SHISA9: variants seen among roughly 807,000 people sequenced by gnomAD.
SHISA9 encodes shisa family member 9.
A neutral mutation model predicts 38.0 loss-of-function variants in SHISA9; 13 were observed. That is an observed-to-expected ratio of 0.34 (90% CI 0.22 to 0.54). The LOEUF (loss-of-function observed/expected upper bound fraction) is 0.54, where lower values mean the gene tolerates loss of function less well. Ranked by LOEUF, SHISA9 falls within the 20% of genes least tolerant of loss-of-function variation. SHISA9 has a pLI of 0.91. For missense variants in SHISA9, 538 were observed against 575.8 expected, an observed-to-expected ratio of 0.93 and a Z score of 0.67; for synonymous variants, 275 against 242.0, an observed-to-expected ratio of 1.14 and a Z score of -1.27.
chr16:13,207,596 A>T (rs1345038472), intron 3 of SHISA9, among the ~76,000 whole-genome samples: 9 of 151,808 alleles, frequency 5.9e-5, no homozygotes, highest in Admixed American at 5.3e-4. Flanking sequence ...CCTGTTCTTC[A>T]TCCTTTTTTT....
the SHISA9 span, among the ~76,000 whole-genome samples, chr16:13,383,516 G>A: frequency 1.1e-4 from 16 of 152,144 alleles, no homozygotes; most frequent in Non-Finnish European, 1.8e-4. Flanking sequence ...GAACATCTCC[G>A]AAAAGATGAA....
At chr16:13,421,164 G>A in the SHISA9 span, among the ~76,000 whole-genome samples, 1 of 152,076 alleles carries the variant, frequency 6.6e-6, no homozygotes, top group East Asian at 1.9e-4. Flanking sequence ...AGGATCTGCT[G>A]CATTCAGATG....
intron 2 of SHISA9, among the ~76,000 whole-genome samples, chr16:13,117,004 T>C (rs1343925177): frequency 1.3e-5 from 2 of 152,194 alleles, no homozygotes; most frequent in Admixed American, 6.5e-5. Context: ...AGAGTCTCAC[T>C]CTGTTGCCCA....
At chr16:13,173,618 A>G (rs2050707682) in intron 2 of SHISA9, among the ~76,000 whole-genome samples, 2 of 152,180 alleles carry the variant, frequency 1.3e-5, no homozygotes, top group Admixed American at 1.3e-4. Context: ...GGTTGTCACA[A>G]CTTGCAGGAG....
At chr16:13,015,993 T>TCCCCTCCCCTCC (rs2072752952) in intron 2 of SHISA9, among the ~76,000 whole-genome samples, 1 of 92,750 alleles carries the variant, frequency 1.1e-5, no homozygotes, top group African/African-American at 4.1e-5. Context: ...TCCCTTCTTT[T>TCCCCTCCCCTCC]CTTTTCTTCC....
At chr16:13,502,876 GA>G in the SHISA9 span, among the ~76,000 whole-genome samples, 1 of 151,402 alleles carries the variant, frequency 6.6e-6, no homozygotes, top group African/African-American at 2.4e-5. Flanking sequence ...GACCTGTCTC[GA>G]AAAAAATAAG....
chr16:13,087,613 A>G (rs1212820645), intron 2 of SHISA9, among the ~76,000 whole-genome samples: 1 of 152,214 alleles, frequency 6.6e-6, no homozygotes, highest in Non-Finnish European at 1.5e-5. Context: ...TGTTGGCTGC[A>G]TAGACGTCTT....
At chr16:13,367,710 GCGCACA>G in the SHISA9 span, among the ~76,000 whole-genome samples, 119 of 90,574 alleles carry the variant, frequency 1.3e-3, no homozygotes, top group South Asian at 3.6e-3. Flanking sequence ...GCGCGCGCGC[GCGCACA>G]CACACACACA....
the SHISA9 span, among the ~76,000 whole-genome samples, chr16:13,547,051 G>A: frequency 6.6e-6 from 1 of 152,060 alleles, no homozygotes; most frequent in African/African-American, 2.4e-5. Flanking sequence ...ATCTTACCTT[G>A]AATACTTCGG....
chr16:13,011,978 G>A (rs1189473343), intron 2 of SHISA9, among the ~76,000 whole-genome samples: 10 of 151,916 alleles, frequency 6.6e-5, no homozygotes, highest in Admixed American at 3.9e-4. Flanking sequence ...GGCATGAGCC[G>A]CCACACCCAG....
At chr16:13,315,066 G>T in the SHISA9 span, among the ~76,000 whole-genome samples, 1 of 128,264 alleles carries the variant, frequency 7.8e-6, no homozygotes, top group East Asian at 2.3e-4. Context: ...TGATCTGTGT[G>T]TGCACCCTTG....
chr16:13,217,303 T>A (rs890373385), intron 4 of SHISA9, among the ~76,000 whole-genome samples: 15 of 151,784 alleles, frequency 9.9e-5, no homozygotes, highest in African/African-American at 3.6e-4. Flanking sequence ...ATAAATTAAT[T>A]AATTAAAATA....
the SHISA9 span, among the ~76,000 whole-genome samples, chr16:13,461,589 A>G: frequency 6.6e-6 from 1 of 150,808 alleles, no homozygotes; most frequent in Non-Finnish European, 1.5e-5. Flanking sequence ...CAAAAAAAAA[A>G]AAGATTTATA....
At chr16:12,946,692 C>T (rs1406323295) in intron 2 of SHISA9, among the ~76,000 whole-genome samples, 2 of 152,208 alleles carry the variant, frequency 1.3e-5, no homozygotes, top group East Asian at 1.9e-4. Context: ...AGGTTGGGGG[C>T]CGAGTAATTT....
chr16:13,361,805 T>C, the SHISA9 span, among the ~76,000 whole-genome samples: 1 of 152,216 alleles, frequency 6.6e-6, no homozygotes, highest in African/African-American at 2.4e-5. Flanking sequence ...GTGTTGTCTG[T>C]TTCATACAAT....
the SHISA9 span, among the ~76,000 whole-genome samples, chr16:13,537,234 C>T: frequency 6.6e-6 from 1 of 152,068 alleles, no homozygotes; most frequent in Non-Finnish European, 1.5e-5. Context: ...TGAAGACCAG[C>T]CTGGCCCACA....
intron 4 of SHISA9, among the ~76,000 whole-genome samples, chr16:13,224,895 G>A (rs533685245): frequency 7.9e-5 from 12 of 152,218 alleles, no homozygotes; most frequent in South Asian, 4.2e-4. Flanking sequence ...CAAGCTTGGC[G>A]TGTTCAGGAA....
chr16:12,909,520 T>G, intron 1 of SHISA9: 1 of 985,452 alleles, frequency 1.0e-6, no homozygotes, highest in Non-Finnish European at 1.2e-6. Flanking sequence ...TCATTGTAAT[T>G]GGAAAGAAAA....
intron 2 of SHISA9, among the ~76,000 whole-genome samples, chr16:13,009,259 G>A (rs1353907232): frequency 3.3e-5 from 5 of 152,154 alleles, no homozygotes; most frequent in Admixed American, 3.3e-4. Flanking sequence ...AGGCAGTCTG[G>A]CTTTAAGCTG....
Sources: gnomAD v4.1 joint callset for allele counts (sites outside exome capture counted in the v4.1 genomes callset) on GRCh38, gnomAD v4.1.1 for gene constraint, MANE v1.5 for transcripts, NCBI Gene and HGNC (gene_info 2026-07-23, HGNC 2026-07-21) for gene names.